Variants in EYS observed in about 807,000 individuals in gnomAD.
EYS encodes EGF-like photoreceptor maintenance factor, also known as protein eyes shut homolog.
A neutral mutation model predicts 282.1 loss-of-function variants in EYS; 250 were observed. The observed-to-expected ratio is 0.89, with a 90% confidence interval of 0.80 to 0.98. The LOEUF (loss-of-function observed/expected upper bound fraction) is 0.98. Ranked by LOEUF, EYS falls within the 50% of genes least tolerant of loss-of-function variation. EYS has a pLI of 0.00. For synonymous variants in EYS, 1,355 were observed against 1,282.9 expected (o/e 1.06, Z -1.20); for missense variants, 4,016 against 3,709.0 (o/e 1.08, Z -2.15).
intron 22 of EYS, among the ~76,000 whole-genome samples, chr6:64,685,928 T>C (rs999938461): frequency 6.6e-6 from 1 of 152,096 alleles, no homozygotes; most frequent in African/African-American, 2.4e-5. Flanking sequence ...TTGTAAGAGT[T>C]TGAAATCTTA....
At chr6:63,913,321 T>C (rs903407177) in intron 35 of EYS, among the ~76,000 whole-genome samples, 2 of 152,232 alleles carry the variant, frequency 1.3e-5, no homozygotes, top group Non-Finnish European at 2.9e-5. Context: ...TGTATAAATA[T>C]ATGTGCTAAC....
chr6:64,860,625 C>T (rs60759312), intron 19 of EYS, among the ~76,000 whole-genome samples: 23,634 of 152,172 alleles, frequency 0.16, 2,159 homozygotes, highest in East Asian at 0.49. Context: ...GCTCCTAGGT[C>T]CGGGCTCCCT....
chr6:65,566,293 G>C (rs1194210996), intron 2 of EYS, among the ~76,000 whole-genome samples: 1 of 151,884 alleles, frequency 6.6e-6, no homozygotes, highest in Non-Finnish European at 1.5e-5. Context: ...CAACCACCAA[G>C]TGGCGCACTC....
chr6:64,986,924 T>C (rs1223349276), intron 14 of EYS, among the ~76,000 whole-genome samples: 2 of 151,348 alleles, frequency 1.3e-5, no homozygotes, highest in African/African-American at 4.8e-5. Context: ...TTAAGCTCAT[T>C]GAATTGGCAA....
At chr6:64,451,771 T>A (rs1215460632) in intron 26 of EYS, among the ~76,000 whole-genome samples, 2 of 152,126 alleles carry the variant, frequency 1.3e-5, no homozygotes, top group Non-Finnish European at 2.9e-5. Context: ...CATGATTATC[T>A]CAATAGATGC....
intron 33 of EYS, among the ~76,000 whole-genome samples, chr6:64,004,741 G>C (rs1327983391): frequency 6.6e-6 from 1 of 152,092 alleles, no homozygotes; most frequent in Non-Finnish European, 1.5e-5. Flanking sequence ...TCCTGCATTA[G>C]TTCACTTAGG....
At chr6:64,535,220 T>G (rs2149795690) in intron 26 of EYS, among the ~76,000 whole-genome samples, 1 of 152,334 alleles carries the variant, frequency 6.6e-6, no homozygotes. Flanking sequence ...AAAATTCTTT[T>G]TAAGTCTGAG....
chr6:65,376,000 G>T (rs966672600), intron 8 of EYS, among the ~76,000 whole-genome samples: 3 of 152,082 alleles, frequency 2.0e-5, no homozygotes, highest in Non-Finnish European at 4.4e-5. Context: ...AGACAGGCCA[G>T]CATTCAAATC....
chr6:63,838,834 C>A (rs1044709312), intron 36 of EYS, among the ~76,000 whole-genome samples: 1 of 152,100 alleles, frequency 6.6e-6, no homozygotes, highest in Non-Finnish European at 1.5e-5. Context: ...GATATTATAG[C>A]TCTCTCTACA....
At chr6:64,830,726 T>A (rs1172156105) in intron 19 of EYS, among the ~76,000 whole-genome samples, 1 of 151,992 alleles carries the variant, frequency 6.6e-6, no homozygotes, top group African/African-American at 2.4e-5. Context: ...GGGTATCTGT[T>A]TCCAGATTAG....
At chr6:65,671,513 T>C (rs1411809432) in intron 1 of EYS, among the ~76,000 whole-genome samples, 1 of 152,136 alleles carries the variant, frequency 6.6e-6, no homozygotes, top group Admixed American at 6.6e-5. Flanking sequence ...AAAAAAATTC[T>C]GACAGGCTTT....
At chr6:63,831,829 C>T (rs1582254775) in intron 36 of EYS, among the ~76,000 whole-genome samples, 1 of 152,166 alleles carries the variant, frequency 6.6e-6, no homozygotes, top group Admixed American at 6.5e-5. Flanking sequence ...AAGCACTCCT[C>T]AGCAAATGTA....
chr6:64,215,704 C>G lies in EYS; in HGVS notation c.6424+14888G>C, dbSNP rs534694183. Among the ~76,000 whole-genome samples the G allele has an allele frequency of 4.0e-4, 61 of 151,972 alleles. 1 individual carries two copies. In the East Asian group the frequency reaches 0.011, roughly 27 times the overall value. On this transcript the variant is annotated intron_variant, in intron 31 of 42. Coordinates refer to ENST00000503581, the MANE Select transcript of EYS (RefSeq NM_001142800.2). ...AATGTTTAATTTTTTTTCTATATCC[C>G]AGATGCTATGCTACATGCCAGGGAA...
At chr6:64,860,859 G>A (rs144553754) in intron 19 of EYS, among the ~76,000 whole-genome samples, 90 of 152,360 alleles carry the variant, frequency 5.9e-4, no homozygotes, top group Non-Finnish European at 1.0e-3. Flanking sequence ...ACCAACAGTG[G>A]ATAGCTCCTC....
chr6:65,695,035 G>A (rs9453367), intron 1 of EYS, among the ~76,000 whole-genome samples: 33,516 of 151,862 alleles, frequency 0.22, 4,439 homozygotes, highest in African/African-American at 0.38. Context: ...TTGAAAGAGA[G>A]CAAAGGCAAT....
chr6:63,874,982 G>T (rs2128356), intron 35 of EYS, among the ~76,000 whole-genome samples: 55,074 of 151,630 alleles, frequency 0.36, 10,383 homozygotes, highest in South Asian at 0.47. Context: ...CTGCCTAATT[G>T]CCCTGGCCAG....
chr6:64,212,569 CTT>C (rs202074925), intron 31 of EYS, among the ~76,000 whole-genome samples: 7 of 143,930 alleles, frequency 4.9e-5, no homozygotes, highest in African/African-American at 2.5e-5. Flanking sequence ...AGATGGAGTA[CTT>C]TTTTTTTTTT....
chr6:64,277,638 C>T (rs542724453), intron 30 of EYS, among the ~76,000 whole-genome samples: 13 of 152,100 alleles, frequency 8.5e-5, no homozygotes, highest in Admixed American at 3.9e-4. Flanking sequence ...TCAAGGAGAA[C>T]GAGTTGCAAA....
At chr6:64,926,821 A>G (rs1190575381) in intron 15 of EYS, among the ~76,000 whole-genome samples, 1 of 152,182 alleles carries the variant, frequency 6.6e-6, no homozygotes, top group Non-Finnish European at 1.5e-5. Flanking sequence ...TGAAAAAGAG[A>G]TAGACCCTAA....
Sources: gnomAD v4.1 joint callset for allele counts (sites outside exome capture counted in the v4.1 genomes callset) on GRCh38, gnomAD v4.1.1 for gene constraint, MANE v1.5 for transcripts, NCBI Gene and HGNC (gene_info 2026-07-23, HGNC 2026-07-21) for gene names.